Variants in HNF4A observed in about 807,000 individuals in gnomAD.
HNF4A encodes hepatocyte nuclear factor 4 alpha, also known as hepatocyte nuclear factor 4-alpha.
A neutral mutation model predicts 52.4 loss-of-function variants in HNF4A; 15 were observed. That is an observed-to-expected ratio of 0.29 (90% CI 0.19 to 0.44). The LOEUF (loss-of-function observed/expected upper bound fraction) is 0.44, where lower values mean the gene tolerates loss of function less well. HNF4A is among the 20% of genes least tolerant of loss of function. The probability of loss-of-function intolerance (pLI) is 1.00; values close to 1 mark genes in which losing one functional copy is unlikely to be tolerated. For synonymous variants in HNF4A, 280 were observed against 264.4 expected, an observed-to-expected ratio of 1.06 and a Z score of -0.57; for missense variants, 479 against 647.2, an observed-to-expected ratio of 0.74 and a Z score of 2.82.
rs145551128 is a variant in HNF4A at position 44,379,591 on chromosome 20, G to A, written c.49+23738G>A. Among the ~76,000 whole-genome samples, 736 of 151,858 alleles carry A rather than the reference G, an allele frequency of 4.8e-3. 6 individuals carry two copies. Among genetic ancestry groups the A allele is most frequent in the African/African-American group, 0.016 (674 of 41,390 alleles). ...TTTGGAGACATAGTCTTGCTCTGTC[G>A]CCCAGGCTGGAGTGCAGTAGTGCAG... On this transcript the variant is annotated intron_variant, in intron 1 of 9. Coordinates refer to the HNF4A transcript ENST00000316673.
chr20:44,365,034 C>T (rs981409338), intron 1 of HNF4A, among the ~76,000 whole-genome samples: 9 of 152,234 alleles, frequency 5.9e-5, no homozygotes, highest in African/African-American at 1.2e-4. Context: ...TAAAGGGGAG[C>T]GTGAATTAGT....
chr20:44,407,496 C>G, intron 3 of HNF4A, 21 bp downstream of exon 3: 2 of 1,516,650 alleles, frequency 1.3e-6, no homozygotes, highest in East Asian at 2.4e-5. Context: ...GCCCTCCCCG[C>G]CCCACCACCA....
intron 1 of HNF4A, chr20:44,390,659 G>A (rs1478755492): frequency 1.4e-6 from 1 of 702,412 alleles, no homozygotes; most frequent in African/African-American, 1.7e-5. Flanking sequence ...TGGGGCCAGG[G>A]CTTCCCCCAG....
chr20:44,369,973 T>C (rs1444919821), intron 1 of HNF4A, among the ~76,000 whole-genome samples: 1 of 152,136 alleles, frequency 6.6e-6, no homozygotes, highest in Non-Finnish European at 1.5e-5. Context: ...TGATGGTCTC[T>C]CGTCTTTCTC....
chr20:44,366,187 A>G (rs1318074864), intron 1 of HNF4A, among the ~76,000 whole-genome samples: 1 of 152,262 alleles, frequency 6.6e-6, no homozygotes, highest in Non-Finnish European at 1.5e-5. Context: ...CATTTCATGT[A>G]GTAAGAGTAA....
rs866070052 is a variant in HNF4A, at chr20:44,404,398, C to T, written c.116-1660C>T. Among the ~76,000 whole-genome samples the T allele has an allele frequency of 2.6e-5, 4 of 152,138 alleles. No homozygotes were observed. In the South Asian group the frequency reaches 8.3e-4, roughly 32 times the overall value. On this transcript the variant is annotated intron_variant, in intron 1 of 9. Coordinates refer to ENST00000316099, the MANE Select transcript of HNF4A (RefSeq NM_000457.6). ...AGAGGCTGTGCTGTTACCTACAGTG[C>T]ATGGCCCTCTCTGGGTCTTAACTGG...
chr20:44,388,656 GCTAT>G lies in HNF4A; in HGVS notation c.50-17398_50-17395del, dbSNP rs113020333. 6.1e-3 allele frequency among the ~76,000 whole-genome samples: 925 copies of G among 152,280 alleles called. 5 individuals are homozygous for G. The highest frequency in any genetic ancestry group is 0.02 in the African/African-American group (822 of 41,562). ...TGCTGTGATTGGTGAAGTCCCTAAGGCTATCTAAGTTTCTGAACACCAGTTCCTG... is the reference window on the plus strand; with the variant it reads ...TGCTGTGATTGGTGAAGTCCCTAAGGCTAAGTTTCTGAACACCAGTTCCTG... On this transcript the variant is annotated intron_variant, in intron 1 of 9. Transcript: ENST00000316673.
At chr20:44,383,281 A>G (rs1374954333) in intron 1 of HNF4A, among the ~76,000 whole-genome samples, 1 of 152,204 alleles carries the variant, frequency 6.6e-6, no homozygotes, top group Admixed American at 6.5e-5. Context: ...AGCCCTTTTT[A>G]TACATTAACA....
intron 1 of HNF4A, among the ~76,000 whole-genome samples, chr20:44,366,217 CTTTTG>C (rs1257884222): frequency 6.6e-6 from 1 of 152,012 alleles, no homozygotes; most frequent in African/African-American, 2.4e-5. Context: ...GTTTTTGAAA[CTTTTG>C]TTTTATTTAT....
chr20:44,413,731 G>A lies in HNF4A; in HGVS notation c.423G>A (p.Arg141=). ...AGCGGGACCGGATCAGCACTCGAAG[G>A]TCAAGCTATGAGGACAGCAGCCTGC... The change falls in exon 4 of 10, where the codon AGG becomes AGA. Residue 141 remains arginine, a synonymous_variant. Coordinates refer to ENST00000316099, the MANE Select transcript of HNF4A (RefSeq NM_000457.6). 2.5e-6 allele frequency: 4 copies of A among 1,613,934 alleles called. No homozygotes were observed. The highest frequency in any genetic ancestry group is 3.4e-6 in the Non-Finnish European group (4 of 1,179,970).
At chr20:44,392,234 C>T (rs2063309789) in intron 1 of HNF4A, 1 of 152,074 alleles carries the variant, frequency 6.6e-6, no homozygotes, top group South Asian at 2.1e-4. Context: ...AACATTATCT[C>T]ATTTAATTGG....
chr20:44,419,013 T>A (rs1348822157), intron 6 of HNF4A, among the ~76,000 whole-genome samples: 1 of 152,098 alleles, frequency 6.6e-6, no homozygotes, highest in Admixed American at 6.6e-5. Flanking sequence ...TGGCCTCAAA[T>A]AATCCACCCG....
chr20:44,424,440 C>G (rs2063791286), intron 8 of HNF4A, 186 bp downstream of exon 8: 2 of 1,121,056 alleles, frequency 1.8e-6, no homozygotes, highest in African/African-American at 1.5e-5. Flanking sequence ...TCTATTTGTT[C>G]AGGCACCGAG....
intron 1 of HNF4A, among the ~76,000 whole-genome samples, chr20:44,362,865 G>A (rs1293961512): frequency 2.1e-5 from 3 of 144,284 alleles, no homozygotes; most frequent in Non-Finnish European, 4.5e-5. Flanking sequence ...TTTTTGAGAC[G>A]GAGTCTTGCT....
At chr20:44,371,062 C>A (rs994915855) in intron 1 of HNF4A, among the ~76,000 whole-genome samples, 2 of 152,140 alleles carry the variant, frequency 1.3e-5, no homozygotes, top group Non-Finnish European at 2.9e-5. Context: ...CTGGGCAGAG[C>A]CAGAGAAACT....
chr20:44,369,995 T>C (rs2063015046), intron 1 of HNF4A, among the ~76,000 whole-genome samples: 1 of 152,116 alleles, frequency 6.6e-6, no homozygotes, highest in Admixed American at 6.6e-5. Context: ...CTTTGGTCAC[T>C]GCAGTCAGCC....
rs35406830 is a variant in HNF4A, at chr20:44,407,757, T to TTGTGTGTG, written c.385+310_385+317dup. Among the ~76,000 whole-genome samples the TTGTGTGTG allele has an allele frequency of 0.1, 14,741 of 145,822 alleles. 761 individuals are homozygous for TTGTGTGTG. The highest frequency in any genetic ancestry group is 0.13 in the East Asian group (624 of 4,904). ...TCTGCGCCACCACAAAGCAGCCACG[T>TTGTGTGTG]TGTGTGTGTGTGTGTGTGTGTGTGT... On this transcript the variant is annotated intron_variant, in intron 3 of 9. Transcript: ENST00000316099.
At chr20:44,385,059 C>CTTTTTGTTTTTTTT (rs2063204036) in intron 1 of HNF4A, among the ~76,000 whole-genome samples, 1 of 34,970 alleles carries the variant, frequency 2.9e-5, no homozygotes, top group Non-Finnish European at 4.6e-5. Flanking sequence ...ACTCTGTGAT[C>CTTTTTGTTTTTTTT]TTTTTTTTTT....
At chr20:44,425,512 T>C (rs2063804672) in intron 8 of HNF4A, among the ~76,000 whole-genome samples, 1 of 152,164 alleles carries the variant, frequency 6.6e-6, no homozygotes, top group Non-Finnish European at 1.5e-5. Context: ...GGACAAAGTC[T>C]ACATTTTTGC....
Sources: allele counts gnomAD v4.1 joint callset (sites outside exome capture counted in the v4.1 genomes callset), GRCh38; gene constraint gnomAD v4.1.1; transcripts MANE v1.5; gene names NCBI Gene and HGNC (gene_info 2026-07-23, HGNC 2026-07-21).